PUDP: variants seen among roughly 807,000 people sequenced by gnomAD.
PUDP encodes pseudouridine-5'-phosphatase.
In PUDP, 8 loss-of-function variants were observed where a neutral mutation model predicts 9.4. The observed-to-expected ratio is 0.85, with a 90% CI of 0.50 to 1.53. PUDP has a LOEUF of 1.53. PUDP is among the 40% of genes most tolerant of loss of function. The probability of loss-of-function intolerance (pLI) is 0.00; values close to 1 mark genes in which losing one functional copy is unlikely to be tolerated. For synonymous variants in PUDP, 99 were observed against 80.7 expected (o/e 1.23, Z -1.22); for missense variants, 188 against 189.7 (o/e 0.99, Z 0.05).
intron 3 of PUDP, among the ~76,000 whole-genome samples, chrX:6,913,895 A>T (rs1012860578): frequency 9.0e-6 from 1 of 111,079 alleles, no homozygotes; most frequent in African/African-American, 3.3e-5. Flanking sequence ...GTTTCTCAAG[A>T]TCTGTGCCCC....
At chrX:6,879,385 C>G (rs1301706925) in intron 3 of PUDP, among the ~76,000 whole-genome samples, 2 of 111,377 alleles carry the variant, frequency 1.8e-5, no homozygotes, top group African/African-American at 6.5e-5. Context: ...GTTCCTCCCT[C>G]TGCCATTCAG....
intron 1 of PUDP, among the ~76,000 whole-genome samples, chrX:7,145,330 A>G (rs1382793861): frequency 8.9e-6 from 1 of 111,971 alleles, no homozygotes; most frequent in African/African-American, 3.2e-5. Flanking sequence ...ACTGCTCTGG[A>G]CAACAAACTG....
At chrX:6,931,522 T>C (rs758849304) in intron 3 of PUDP, among the ~76,000 whole-genome samples, 24 of 111,465 alleles carry the variant, frequency 2.2e-4, no homozygotes, top group Non-Finnish European at 3.6e-4. Context: ...AGGAAATAAT[T>C]AGGTAGATTT....
At chrX:6,814,802 T>C (rs922032627) in intron 3 of PUDP, among the ~76,000 whole-genome samples, 3 of 111,891 alleles carry the variant, frequency 2.7e-5, no homozygotes, top group African/African-American at 9.7e-5. Context: ...CTCCTCTTTT[T>C]AAAAATTTTC....
Position 6,927,820 on chromosome X carries a change from G to A in PUDP, c.*247+49313C>T, listed in dbSNP as rs924343977. Among the ~76,000 whole-genome samples, 4 of 111,272 alleles carry A rather than the reference G, an allele frequency of 3.6e-5. No individual in the cohort carries two copies. In the Admixed American group the frequency reaches 3.8e-4, roughly 11 times the overall value. ...TCCTGGTGAAACAGGTGGTGGGCTG[G>A]GGGAGAAGAGAATTCTATGGAGGGG... is the stretch of plus-strand genomic sequence containing the variant. On this transcript the variant is annotated intron_variant and NMD_transcript_variant, in intron 3 of 3. Coordinates refer to the PUDP transcript ENST00000655425.
chrX:6,763,447 C>T (rs149925235), intron 3 of PUDP, among the ~76,000 whole-genome samples: 117 of 112,074 alleles, frequency 1.0e-3, no homozygotes, highest in Non-Finnish European at 1.7e-3. Context: ...TTTATTAGAA[C>T]ACAACCACAC....
chrX:7,128,012 T>C (rs894308068), intron 1 of PUDP, among the ~76,000 whole-genome samples: 2 of 111,982 alleles, frequency 1.8e-5, no homozygotes, highest in African/African-American at 6.5e-5. Flanking sequence ...AACACTGTTA[T>C]GGCCTCTGAA....
At position 7,050,268 on chromosome X, in the gene PUDP, T is replaced by G. The variant is rs1337322451; in HGVS notation, c.*28A>C. On this transcript the variant is annotated 3_prime_UTR_variant, in exon 4 of 4. Coordinates refer to ENST00000381077, the MANE Select transcript of PUDP (RefSeq NM_012080.5). ...AGCAGTGTGGACCATGAGAGTGGGC[T>G]GGGGGCGGAAGACTGAGGCCCTCCC... 1 of 1,195,479 alleles carries G rather than the reference T, an allele frequency of 8.4e-7. No homozygotes were observed. Among genetic ancestry groups the G allele is most frequent in the Non-Finnish European group, 1.1e-6 (1 of 884,492 alleles).
intron 3 of PUDP, among the ~76,000 whole-genome samples, chrX:6,783,682 T>G (rs1005800812): frequency 1.8e-5 from 2 of 112,088 alleles, no homozygotes; most frequent in Non-Finnish European, 3.8e-5. Context: ...CTTTTCCCGT[T>G]AGGACTCAGA....
rs755509530 is a variant in PUDP at position 6,994,736 on chromosome X, GC to G, written c.205-16394del. 2.7e-5 allele frequency among the ~76,000 whole-genome samples: 3 copies of G among 111,964 alleles called. No homozygotes were observed. The South Asian group carries it at 1.1e-3, about 42-fold the overall frequency. ...AGAAGAGATATGACAAACGGCAGCT[GC>G]TTGGCAAGGCTGGTTTACTGAGCAG... On this transcript the variant is annotated intron_variant and NMD_transcript_variant, in intron 1 of 3. Coordinates refer to the PUDP transcript ENST00000655425.
intron 3 of PUDP, among the ~76,000 whole-genome samples, chrX:6,741,828 C>T (rs188315060): frequency 6.8e-4 from 47 of 69,347 alleles, no homozygotes; most frequent in African/African-American, 1.7e-3. Flanking sequence ...CTCTCTCTCT[C>T]TCTTTCTTTC....
At chrX:6,710,240 T>C (rs1265418469) in intron 1 of PUDP, among the ~76,000 whole-genome samples, 1 of 112,356 alleles carries the variant, frequency 8.9e-6, no homozygotes, top group Non-Finnish European at 1.9e-5. Context: ...TCCACACTAA[T>C]GATATAATCG....
intron 3 of PUDP, among the ~76,000 whole-genome samples, chrX:6,840,926 A>G (rs1400204636): frequency 2.7e-5 from 3 of 111,481 alleles, no homozygotes; most frequent in African/African-American, 9.8e-5. Flanking sequence ...TCTAAAAAAT[A>G]GTCTTTTAAA....
intron 3 of PUDP, among the ~76,000 whole-genome samples, chrX:6,770,958 C>A (rs2146678599): frequency 8.9e-6 from 1 of 111,931 alleles, no homozygotes; most frequent in East Asian, 2.8e-4. Flanking sequence ...ACCTCTCCCC[C>A]TTCTAATCCA....
intron 3 of PUDP, among the ~76,000 whole-genome samples, chrX:6,956,866 T>C (rs991746929): frequency 9.0e-6 from 1 of 111,238 alleles, no homozygotes; most frequent in Non-Finnish European, 1.9e-5. Flanking sequence ...TTATGTGTTT[T>C]GTACTCTGTT....
chrX:7,024,673 G>A (rs1929682347), intron 1 of PUDP, among the ~76,000 whole-genome samples: 1 of 104,180 alleles, frequency 9.6e-6, no homozygotes. Flanking sequence ...TGCAAGGTCC[G>A]CCTTCCGGGT....
At chrX:7,028,767 C>CT (rs1388501878) in intron 1 of PUDP, among the ~76,000 whole-genome samples, 1 of 111,751 alleles carries the variant, frequency 8.9e-6, no homozygotes, top group Non-Finnish European at 1.9e-5. Context: ...TTTGCCCGGA[C>CT]TGACATAACA....
At chrX:7,119,538 A>AT (rs1932284733) in intron 1 of PUDP, among the ~76,000 whole-genome samples, 1 of 112,718 alleles carries the variant, frequency 8.9e-6, no homozygotes, top group Non-Finnish European at 1.9e-5. Flanking sequence ...AGTATTTGAT[A>AT]TATCGCTTCC....
chrX:6,745,994 T>C (rs1924995298), intron 3 of PUDP, among the ~76,000 whole-genome samples: 1 of 111,692 alleles, frequency 9.0e-6, no homozygotes, highest in African/African-American at 3.3e-5. Flanking sequence ...AACTTTTCCA[T>C]AGAGAGGGGC....
Sources: gnomAD v4.1 joint callset for allele counts (sites outside exome capture counted in the v4.1 genomes callset) on GRCh38, gnomAD v4.1.1 for gene constraint, MANE v1.5 for transcripts, NCBI Gene and HGNC (gene_info 2026-07-23, HGNC 2026-07-21) for gene names.